The following TIE1 variants were observed in gnomAD, a reference collection of about 807,000 sequenced individuals.
TIE1 encodes the protein tyrosine-protein kinase receptor Tie-1.
Under a neutral mutation model 130.5 loss-of-function variants are expected in TIE1, and 89 were observed. The observed-to-expected ratio is 0.68, with a 90% confidence interval of 0.57 to 0.81. The LOEUF (loss-of-function observed/expected upper bound fraction) is 0.81, where lower values mean the gene tolerates loss of function less well. TIE1 is among the 40% of genes least tolerant of loss of function. The pLI is 0.00. For synonymous variants in TIE1, 568 were observed against 629.4 expected (o/e 0.90, Z 1.46); for missense variants, 1,392 against 1,559.8 (o/e 0.89, Z 1.81).
At position 43,319,997 on chromosome 1, in the gene TIE1, T is replaced by C. The variant is rs1340818317; in HGVS notation, c.3107+468T>C. The C allele has an allele frequency of 4.7e-6, 1 of 215,020 alleles. No homozygotes were observed. Among genetic ancestry groups the C allele is most frequent in the African/African-American group, 2.3e-5 (1 of 43,850 alleles). 13.3% of individuals were successfully genotyped at this position (215,020 alleles called of 1,614,324 possible). A position where few individuals can be genotyped will look rare whatever the true frequency, so the allele number is the denominator to read the frequency against. On this transcript the variant is annotated intron_variant, in intron 19 of 22. Transcript: ENST00000372476. This position sits in a 1 kb window ranked among gnomAD's most constrained non-coding sequence, Gnocchi z 4.7. The stretch of plus-strand genomic sequence containing the variant: ...TCCTGTCTCTCCAGGGATGTCCATC[T>C]TGATCTGAACCTACCCCTTGCCCCA...
At chr1:43,311,017 A>T (rs970751774) in intron 9 of TIE1, among the ~76,000 whole-genome samples, 3 of 152,138 alleles carry the variant, frequency 2.0e-5, no homozygotes, top group African/African-American at 7.2e-5. Context: ...CCAGAATAGG[A>T]GCAGCGATCA....
In TIE1 at chr1:43,313,548, A is replaced by G. The variant is rs1646826878; in HGVS notation, c.2218+123A>G. 7.7e-7 allele frequency: 1 copy of G among 1,305,162 alleles called. No homozygotes were observed. Among genetic ancestry groups the G allele is most frequent in the African/African-American group, 1.5e-5 (1 of 68,130 alleles). 80.8% of individuals were successfully genotyped at this position (1,305,162 alleles called of 1,614,324 possible). ...CCCAGGCCCCTCCTGACAAAGAGTCAGCCCCAGTCCTGGGGACTCAGCCTT... is the reference window on the plus strand; with the variant it reads ...CCCAGGCCCCTCCTGACAAAGAGTCGGCCCCAGTCCTGGGGACTCAGCCTT... On this transcript the variant is annotated intron_variant, in intron 13 of 22. Coordinates refer to ENST00000372476, the MANE Select transcript of TIE1 (RefSeq NM_005424.5). The surrounding 1 kb of genome is among the most constrained non-coding windows in gnomAD (Gnocchi z 6.2).
At position 43,316,708 on chromosome 1, in the gene TIE1, C is replaced by T. The variant is rs1244572830; in HGVS notation, c.2410-491C>T. ...TGTAGTAGGTGCTCAATAAATGTCC[C>T]CTGGCCTACTCCCTAAGGCTGGAAT... On this transcript the variant is annotated intron_variant, in intron 14 of 22. Coordinates refer to ENST00000372476, the MANE Select transcript of TIE1 (RefSeq NM_005424.5). The surrounding 1 kb of genome is among the most constrained non-coding windows in gnomAD (Gnocchi z 4.4). Among the ~76,000 whole-genome samples, 7 of 152,148 alleles carry T rather than the reference C, an allele frequency of 4.6e-5. No homozygotes were observed. The highest frequency in any genetic ancestry group is 1.0e-4 in the Non-Finnish European group (7 of 68,030).
rs1557454595 is a variant in TIE1 at position 43,319,490 on chromosome 1, A to C, written c.3068A>C (p.Glu1023Ala). The C allele has an allele frequency of 1.2e-6, 2 of 1,614,074 alleles. No individual in the cohort carries two copies. Among genetic ancestry groups the C allele is most frequent in the Admixed American group, 3.3e-5 (2 of 60,018 alleles). ...CTCCCTGTGCGCTGGATGGCCATTG[A>C]GTCCCTGAACTACAGTGTCTATACC... ...GRLPVRWMAI[E>A]SLNYSVYTTK... The change falls in exon 19 of 23, where the codon GAG becomes GCG. Residue 1023 changes from glutamate to alanine, a missense_variant. Coordinates refer to ENST00000372476, the MANE Select transcript of TIE1 (RefSeq NM_005424.5). The surrounding 1 kb of genome is among the most constrained non-coding windows in gnomAD (Gnocchi z 4.7).
Position 43,316,186 on chromosome 1 carries a change from T to G in TIE1, c.2410-1013T>G, listed in dbSNP as rs1193712559. 1.3e-5 allele frequency among the ~76,000 whole-genome samples: 2 copies of G among 152,268 alleles called. No homozygotes were observed. The highest frequency in any genetic ancestry group is 6.5e-5 in the Admixed American group (1 of 15,290). Reference sequence around the variant, plus strand: ...CCCCTGTGAGTGCCACATGTTTAAATGCGTGTGTCCCAGATGCACGTGTCC... The same window carrying G: ...CCCCTGTGAGTGCCACATGTTTAAAGGCGTGTGTCCCAGATGCACGTGTCC... On this transcript the variant is annotated intron_variant, in intron 14 of 22. Transcript: ENST00000372476. The surrounding 1 kb of genome is among the most constrained non-coding windows in gnomAD (Gnocchi z 4.4).
At position 43,314,264 on chromosome 1, in the gene TIE1, G is replaced by A. The variant is rs142250526; in HGVS notation, c.2409+296G>A. 3,333 of 826,072 alleles carry A rather than the reference G, an allele frequency of 4.0e-3. 123 individuals carry two copies. In the Admixed American group the frequency reaches 0.086, roughly 21 times the overall value. The allele number at this position is 826,072 out of a possible 1,614,324, so 51.2% of individuals were successfully genotyped here. ...AATGGACATTCCAGTTTTGGGCTCC[G>A]TCAATTGGAGATTTTCCTCTCCCCT... On this transcript the variant is annotated intron_variant, in intron 14 of 22. Coordinates refer to ENST00000372476, the MANE Select transcript of TIE1 (RefSeq NM_005424.5).
intron 21 of TIE1, 23 bp from the exon 22 acceptor site, chr1:43,321,593 A>C (rs367819386): frequency 6.4e-7 from 1 of 1,554,674 alleles, no homozygotes; most frequent in African/African-American, 1.4e-5. Context: ...CTGACTCCTC[A>C]TCTCAGCAAT....
At position 43,312,091 on chromosome 1, in the gene TIE1, G is replaced by A. The variant is rs1244124480; in HGVS notation, c.1590G>A (p.Gly530=). 1.3e-6 allele frequency: 2 copies of A among 1,586,376 alleles called. No individual in the cohort carries two copies. The highest frequency in any genetic ancestry group is 1.7e-6 in the Non-Finnish European group (2 of 1,165,068). Reference sequence around the variant, plus strand: ...GCCGGCCAGGGGAAGGAGGAGAGGGGGCCTGGGGGCCTCCCACCCTCATGA... The same window carrying A: ...GCCGGCCAGGGGAAGGAGGAGAGGGAGCCTGGGGGCCTCCCACCCTCATGA... ...QLSRPGEGGE[G]AWGPPTLMTT... The change falls in exon 11 of 23, where the codon GGG becomes GGA. Residue 530 remains glycine, a synonymous_variant. Transcript: ENST00000372476. The surrounding 1 kb of genome is among the most constrained non-coding windows in gnomAD (Gnocchi z 5.6).
chr1:43,301,759 C>T (rs966522414), intron 1 of TIE1, among the ~76,000 whole-genome samples: 5 of 152,268 alleles, frequency 3.3e-5, no homozygotes, highest in Non-Finnish European at 7.4e-5. Flanking sequence ...ATCCCAGCTA[C>T]TTGGGAGGCT....
chr1:43,321,770 C>T, intron 22 of TIE1, 55 bp downstream of exon 22: 1 of 1,508,834 alleles, frequency 6.6e-7, no homozygotes, highest in Non-Finnish European at 9.0e-7. Context: ...CTCCAGAGTG[C>T]CCTCTCAGAG....
Position 43,309,274 on chromosome 1 carries a change from G to A in TIE1, c.1189-114G>A. ...TGCTCACATGAGGTCAGGCTGATTG[G>A]TGAGGGGGCTGCCACTGGGCCTCTG... On this transcript the variant is annotated intron_variant, in intron 8 of 22. Transcript: ENST00000372476. This position sits in a 1 kb window ranked among gnomAD's most constrained non-coding sequence, Gnocchi z 6.3. 1 of 1,512,900 alleles carries A rather than the reference G, an allele frequency of 6.6e-7. No homozygotes were observed. Among genetic ancestry groups the A allele is most frequent in the East Asian group, 2.3e-5 (1 of 44,020 alleles). The allele number at this position is 1,512,900 out of a possible 1,614,324, so 93.7% of individuals were successfully genotyped here. A position where few individuals can be genotyped will look rare whatever the true frequency, so the allele number is the denominator to read the frequency against.
In TIE1 at chr1:43,313,520, C is replaced by T; in HGVS notation, c.2218+95C>T. On this transcript the variant is annotated intron_variant, in intron 13 of 22. Transcript: ENST00000372476. This position sits in a 1 kb window ranked among gnomAD's most constrained non-coding sequence, Gnocchi z 6.2. Reference sequence around the variant, plus strand: ...ATCACCCCCTACTGTGGAGCTAGGGCATCCCAGGCCCCTCCTGACAAAGAG... The same window carrying T: ...ATCACCCCCTACTGTGGAGCTAGGGTATCCCAGGCCCCTCCTGACAAAGAG... The T allele has an allele frequency of 6.9e-7, 1 of 1,442,656 alleles. No homozygotes were observed. The highest frequency in any genetic ancestry group is 9.4e-7 in the Non-Finnish European group (1 of 1,058,954). The allele number at this position is 1,442,656 out of a possible 1,614,324, so 89.4% of individuals were successfully genotyped here. A position where few individuals can be genotyped will look rare whatever the true frequency, so the allele number is the denominator to read the frequency against.
At chr1:43,314,348 G>A (rs1203985277) in intron 14 of TIE1, 2 of 1,148,940 alleles carry the variant, frequency 1.7e-6, no homozygotes, top group Non-Finnish European at 2.2e-6. Flanking sequence ...AAATGGAAGG[G>A]CACTTGGGGT....
At chr1:43,304,127 GT>G (rs1284761650) in intron 1 of TIE1, among the ~76,000 whole-genome samples, 3 of 152,230 alleles carry the variant, frequency 2.0e-5, no homozygotes, top group African/African-American at 7.2e-5. Flanking sequence ...GGAGAATGGG[GT>G]CTTGCTATGT....
In TIE1 at chr1:43,313,796, C is replaced by T; in HGVS notation, c.2237C>T (p.Pro746Leu). 6.2e-7 allele frequency: 1 copy of T among 1,612,992 alleles called. No individual in the cohort carries two copies. ...TLGNGLQAEG[P>L]VQESRAAEEG... Reference sequence around the variant, plus strand: ...TGTCCAGGGCTGCAGGCTGAGGGCCCAGTCCAAGAGAGCCGGGCAGCTGAA... The same window carrying T: ...TGTCCAGGGCTGCAGGCTGAGGGCCTAGTCCAAGAGAGCCGGGCAGCTGAA... Residue 746 changes from proline (P) to leucine (L), a missense_variant, in exon 14 of 23, where the codon CCA (proline) becomes CTA (leucine). Pro to Leu is a moderately conservative substitution (Grantham distance 98, BLOSUM62 -3). Around this residue, in one of 6 missense-constraint regions of TIE1, gnomAD observed 551 missense variants for 565.5 expected, o/e 0.97. Transcript: ENST00000372476. This position sits in a 1 kb window ranked among gnomAD's most constrained non-coding sequence, Gnocchi z 6.2.
rs547837318 is a variant in TIE1 at position 43,322,228 on chromosome 1, A to C, written c.3346-423A>C. Among the ~76,000 whole-genome samples the C allele has an allele frequency of 6.6e-6, 1 of 152,366 alleles. No individual in the cohort carries two copies. The highest frequency in any genetic ancestry group is 2.1e-4 in the South Asian group (1 of 4,830). On this transcript the variant is annotated intron_variant, in intron 22 of 22. Coordinates refer to ENST00000372476, the MANE Select transcript of TIE1 (RefSeq NM_005424.5). The surrounding 1 kb of genome is among the most constrained non-coding windows in gnomAD (Gnocchi z 4.0). Reference sequence around the variant, plus strand: ...AATAAGTGAATTATCAAATAAATATAATGAAAAATATATCAAAATTAGTAA... The same window carrying C: ...AATAAGTGAATTATCAAATAAATATCATGAAAAATATATCAAAATTAGTAA...
In TIE1 at chr1:43,304,926, C is replaced by T. The variant is rs1215784466; in HGVS notation, c.134C>T (p.Ser45Phe). The T allele has an allele frequency of 6.9e-7, 1 of 1,442,696 alleles. No individual in the cohort carries two copies. The allele number at this position is 1,442,696 out of a possible 1,614,324, so 89.4% of individuals were successfully genotyped here. A position where few individuals can be genotyped will look rare whatever the true frequency, so the allele number is the denominator to read the frequency against. Residue 45 changes from serine to phenylalanine, a missense_variant, in exon 2 of 23, where the codon TCT becomes TTT. This residue lies in a region of TIE1 where 415 missense variants were observed against 424.8 expected (regional missense o/e 0.98). Coordinates refer to ENST00000372476, the MANE Select transcript of TIE1 (RefSeq NM_005424.5). ...CAGCGCTTCTTCCTGACTTGCGTGT[C>T]TGGGGAGGCCGGGGCGGGGAGGGGC... ...DPQRFFLTCV[S>F]GEAGAGRGSD...
rs780132966 is a variant in TIE1, at chr1:43,312,019, A to T, written c.1518A>T (p.Leu506Phe). The T allele has an allele frequency of 3.7e-6, 6 of 1,601,234 alleles. No individual in the cohort carries two copies. Among genetic ancestry groups the T allele is most frequent in the Non-Finnish European group, 5.1e-6 (6 of 1,171,434 alleles). ...TGGACCCCAGTGAGAACGTGACGTT[A>T]ATGAACCTGAGGCCAAAGACAGGAT... The part of the protein sequence containing the change: ...IVVDPSENVT[L>F]MNLRPKTGYS... The change falls in exon 11 of 23, where the codon TTA (leucine) becomes TTT (phenylalanine). Residue 506 changes from leucine (L) to phenylalanine (F), a missense_variant. Leu to Phe is a conservative substitution (Grantham distance 22, BLOSUM62 0). Transcript: ENST00000372476. The surrounding 1 kb of genome is among the most constrained non-coding windows in gnomAD (Gnocchi z 5.6).
At chr1:43,301,199 A>G in intron 1 of TIE1, 70 bp downstream of exon 1, 2 of 1,534,046 alleles carry the variant, frequency 1.3e-6, no homozygotes, top group South Asian at 2.4e-5. Flanking sequence ...AAGAAACCCT[A>G]TTTTATCATA....
Sources: gnomAD v4.1 joint callset for allele counts (sites outside exome capture counted in the v4.1 genomes callset) on GRCh38, gnomAD v4.1.1 for gene constraint, gnomAD v4.1.1 regional missense constraint, Gnocchi (gnomAD v3.1) non-coding constraint, MANE v1.5 for transcripts, NCBI Gene and HGNC (gene_info 2026-07-23, HGNC 2026-07-21) for gene names.